The following SDS variants were observed in gnomAD, a reference collection of about 807,000 sequenced individuals.
The protein encoded by SDS is L-serine dehydratase/L-threonine deaminase.
A neutral mutation model predicts 29.3 loss-of-function variants in SDS; 19 were observed. The ratio of observed to expected loss-of-function variants is 0.65; its 90% CI spans 0.45 to 0.95. The LOEUF is 0.95. SDS is among the 40% of genes least tolerant of loss of function. The probability of loss-of-function intolerance (pLI) is 0.00; values close to 1 mark genes in which losing one functional copy is unlikely to be tolerated. For synonymous variants in SDS, 176 were observed against 189.0 expected, an observed-to-expected ratio of 0.93 and a Z score of 0.56; for missense variants, 375 against 439.9, an observed-to-expected ratio of 0.85 and a Z score of 1.32.
At chr12:113,399,790 C>A in intron 1 of SDS, 80 bp from the exon 2 acceptor site, 1 of 1,348,910 alleles carries the variant, frequency 7.4e-7, no homozygotes. Context: ...CCTTCCTTCG[C>A]TTCCCAGCAA....
chr12:113,397,106 C>A lies in SDS; in HGVS notation c.653+59G>T. On this transcript the variant is annotated intron_variant, in intron 6 of 7. Coordinates refer to ENST00000257549, the MANE Select transcript of SDS (RefSeq NM_006843.3). ...CATCAGGATCTATCTCAAAGCCAGC[C>A]CTAAGGGGGACTCCCCAGTGCTTGC... 2.1e-6 allele frequency: 3 copies of A among 1,456,732 alleles called. No homozygotes were observed. The South Asian group carries it at 3.5e-5, about 17-fold the overall frequency. 90.2% of individuals were successfully genotyped at this position (1,456,732 alleles called of 1,614,324 possible).
rs375249197 is a variant in SDS at position 113,400,419 on chromosome 12, G to A, written c.-2-709C>T. On this transcript the variant is annotated intron_variant, in intron 1 of 7. Transcript: ENST00000257549. The stretch of plus-strand genomic sequence containing the variant: ...ACCGAGGAGGTGGAGGTTGTAATGG[G>A]CCAAGATCGAGCCACTGCACTCCAG... Among the ~76,000 whole-genome samples, 7 of 151,972 alleles carry A rather than the reference G, an allele frequency of 4.6e-5. No individual in the cohort carries two copies. In the East Asian group the frequency reaches 1.2e-3, roughly 25 times the overall value.
At chr12:113,395,411 G>A (rs994788570) in intron 6 of SDS, among the ~76,000 whole-genome samples, 1 of 152,192 alleles carries the variant, frequency 6.6e-6, no homozygotes, top group African/African-American at 2.4e-5. Context: ...ACCTGGCTGG[G>A]CTCAGTCTTC....
intron 7 of SDS, 96 bp from the exon 8 acceptor site, chr12:113,393,245 A>T: frequency 2.5e-6 from 3 of 1,176,740 alleles, no homozygotes; most frequent in Middle Eastern, 5.6e-4. Flanking sequence ...TACTGAGCCA[A>T]TCAGCTCTCA....
intron 1 of SDS, among the ~76,000 whole-genome samples, chr12:113,401,591 A>G (rs1183158608): frequency 6.6e-6 from 1 of 152,134 alleles, no homozygotes; most frequent in African/African-American, 2.4e-5. Flanking sequence ...GAAGGGGAAT[A>G]TTAACATAAT....
intron 1 of SDS, among the ~76,000 whole-genome samples, chr12:113,400,268 G>A (rs1957676414): frequency 6.6e-6 from 1 of 151,894 alleles, no homozygotes; most frequent in East Asian, 1.9e-4. Context: ...CTCCTGCCTG[G>A]GTGACAGAGC....
chr12:113,400,936 G>A lies in SDS; in HGVS notation c.-2-1226C>T, dbSNP rs535652562. Among the ~76,000 whole-genome samples the A allele has an allele frequency of 5.9e-5, 9 of 152,174 alleles. No homozygotes were observed. The South Asian group carries it at 1.7e-3, about 28-fold the overall frequency. ...TGGGAGGCCGAAGCGGGCGGATCAC[G>A]AGGTCAGGAGATCGAGACCATCCTG... On this transcript the variant is annotated intron_variant, in intron 1 of 7. Coordinates refer to ENST00000257549, the MANE Select transcript of SDS (RefSeq NM_006843.3).
At position 113,393,214 on chromosome 12, in the gene SDS, G is replaced by A. The variant is rs530400437; in HGVS notation, c.779-65C>T. 72 of 1,469,108 alleles carry A rather than the reference G, an allele frequency of 4.9e-5. No individual in the cohort carries two copies. In the African/African-American group the frequency reaches 9.1e-4, roughly 19 times the overall value. The allele number at this position is 1,469,108 out of a possible 1,614,324, so 91.0% of individuals were successfully genotyped here. A position where few individuals can be genotyped will look rare whatever the true frequency, so the allele number is the denominator to read the frequency against. ...TCCCAGGGTGCACAGGAGCTGACAG[G>A]CCATTGGCAGGACCTGGGAATACTG... On this transcript the variant is annotated intron_variant, in intron 7 of 7. Transcript: ENST00000257549.
chr12:113,402,385 T>C (rs1012056387), intron 1 of SDS, among the ~76,000 whole-genome samples: 1 of 152,132 alleles, frequency 6.6e-6, no homozygotes, highest in Non-Finnish European at 1.5e-5. Context: ...CTCCGCCTTC[T>C]GGGTTCAAGC....
At chr12:113,393,267 A>C in intron 7 of SDS, 118 bp from the exon 8 acceptor site, 2 of 993,824 alleles carry the variant, frequency 2.0e-6, no homozygotes, top group Non-Finnish European at 3.1e-6. Context: ...CCCTGGCTGC[A>C]GCCGCAGGTC....
In SDS at chr12:113,393,730, C is replaced by T. The variant is rs563346096; in HGVS notation, c.778+162G>A. 1.2e-4 allele frequency among the ~76,000 whole-genome samples: 19 copies of T among 152,296 alleles called. No homozygotes were observed. In the South Asian group the frequency reaches 3.7e-3, roughly 30 times the overall value. ...TGGCTTTTGCTTTTCTATTTCTACACGGCATTGTATTATCTTCTATTAATG... is the reference window on the plus strand; with the variant it reads ...TGGCTTTTGCTTTTCTATTTCTACATGGCATTGTATTATCTTCTATTAATG... On this transcript the variant is annotated intron_variant, in intron 7 of 7. Coordinates refer to ENST00000257549, the MANE Select transcript of SDS (RefSeq NM_006843.3).
In SDS at chr12:113,393,074, A is replaced by C. The variant is rs765440144; in HGVS notation, c.854T>G (p.Leu285Arg). 3 of 1,614,066 alleles carry C rather than the reference A, an allele frequency of 1.9e-6. No individual in the cohort carries two copies. The highest frequency in any genetic ancestry group is 2.2e-5 in the South Asian group (2 of 91,084). Residue 285 changes from leucine to arginine, a missense_variant, in exon 8 of 8, where the codon CTC becomes CGC. Transcript: ENST00000257549. ...AAVYSHVIQK[L>R]QLEGNLRTPL... The stretch of plus-strand genomic sequence containing the variant: ...GGTTCGGAGATTCCCCTCCAGTTGG[A>C]GCTTCTGGATCACGTGGCTATAGAC...
chr12:113,392,941 T>A lies in SDS; in HGVS notation c.987A>T (p.Ter329CysextTer11). 6.2e-7 allele frequency: 1 copy of A among 1,614,036 alleles called. No homozygotes were observed. The highest frequency in any genetic ancestry group is 8.5e-7 in the Non-Finnish European group (1 of 1,179,944). The change falls in exon 8 of 8, where the codon TGA becomes TGT. Residue 329 changes from the stop codon to cysteine, a stop_lost. Coordinates refer to ENST00000257549, the MANE Select transcript of SDS (RefSeq NM_006843.3). ...GCACAGATCGGTAAGGGGTCCGTCC[T>A]CACTTGGGCAACCTATTTGTCATGC... ...QLGMTNRLPK* is the reference protein window; with the variant it reads ...QLGMTNRLPKC
rs762546709 is a variant in SDS, at chr12:113,393,142, CTCA to C, written c.783_785del (p.Asp261del). 6 of 1,613,228 alleles carry C rather than the reference CTCA, an allele frequency of 3.7e-6. No individual in the cohort carries two copies. Among genetic ancestry groups the C allele is most frequent in the Non-Finnish European group, 4.2e-6 (5 of 1,179,724 alleles). ...CGCAGGCGGGCTCCACCAGGATCTT[CTCA>C]TCATCTGCCAGAGAAGGGGCGTGAC... On this transcript the variant is annotated inframe_deletion, in exon 8 of 8. Coordinates refer to ENST00000257549, the MANE Select transcript of SDS (RefSeq NM_006843.3).
chr12:113,398,538 G>A lies in SDS; in HGVS notation c.402C>T (p.Pro134=). 6.3e-7 allele frequency: 1 copy of A among 1,591,548 alleles called. No individual in the cohort carries two copies. The highest frequency in any genetic ancestry group is 8.5e-7 in the Non-Finnish European group (1 of 1,170,488). ...ACCAGATGAGGGGGTCATCAAAGGG[G>A]GGAATGTAGACCCAACCCGGGTTGT... The part of the protein sequence containing the change: ...AKNNPGWVYI[P]PFDDPLIWEG... The change falls in exon 5 of 8, where the codon CCC becomes CCT. Residue 134 remains proline (P), a synonymous_variant. Transcript: ENST00000257549.
chr12:113,400,134 A>G (rs1245945062), intron 1 of SDS, among the ~76,000 whole-genome samples: 1 of 152,224 alleles, frequency 6.6e-6, no homozygotes. Flanking sequence ...TCTACTAAAA[A>G]TACAAAAAAT....
intron 2 of SDS, 195 bp downstream of exon 2, chr12:113,399,361 G>A: frequency 1.2e-6 from 1 of 849,400 alleles, no homozygotes; most frequent in Non-Finnish European, 1.8e-6. Flanking sequence ...TGATGGCTCT[G>A]GGATCAGTCC....
chr12:113,399,354 TG>T, intron 2 of SDS: 1 of 842,026 alleles, frequency 1.2e-6, no homozygotes, highest in East Asian at 2.7e-5. Context: ...AGGCGACTGA[TG>T]GCTCTGGGAT....
At chr12:113,396,923 G>A (rs1041258613) in intron 6 of SDS, 7 of 557,448 alleles carry the variant, frequency 1.3e-5, no homozygotes, top group Non-Finnish European at 1.9e-5. Context: ...ACAGGCACAA[G>A]TCACTGTGCC....
Sources: allele counts gnomAD v4.1 joint callset (sites outside exome capture counted in the v4.1 genomes callset), GRCh38; gene constraint gnomAD v4.1.1; transcripts MANE v1.5; gene names NCBI Gene and HGNC (gene_info 2026-07-23, HGNC 2026-07-21).